ANKIB1: variants seen among roughly 807,000 people sequenced by gnomAD.
ANKIB1 encodes ankyrin repeat and IBR domain-containing protein 1.
Under a neutral mutation model 122.1 loss-of-function variants are expected in ANKIB1, and 43 were observed. The ratio of observed to expected loss-of-function variants is 0.35; its 90% CI spans 0.28 to 0.45. The LOEUF (loss-of-function observed/expected upper bound fraction) is 0.45. Ranked by LOEUF, ANKIB1 falls within the 20% of genes least tolerant of loss-of-function variation. The pLI is 1.00. For synonymous variants in ANKIB1, 390 were observed against 442.0 expected (o/e 0.88, Z 1.48); for missense variants, 992 against 1,329.5 (o/e 0.75, Z 3.95).
In ANKIB1 at chr7:92,397,788, AGT is replaced by A; in HGVS notation, c.2465_2466del (p.Val822AlafsTer8). ...ATCCGTGGTAAGTTCTGCATCTATG[AGT>A]GTGCTGCACAGCTCTTCCCTGCGTG... ...GTSVVSSASM[S>X]VLHSSSLRDY... On this transcript the variant is annotated frameshift_variant, in exon 19 of 20. Coordinates refer to ENST00000265742, the MANE Select transcript of ANKIB1 (RefSeq NM_019004.2). LOFTEE classifies it high-confidence loss of function. 6.2e-7 allele frequency: 1 copy of A among 1,608,844 alleles called. No individual in the cohort carries two copies. Among genetic ancestry groups the A allele is most frequent in the Non-Finnish European group, 8.5e-7 (1 of 1,178,588 alleles).
In ANKIB1 at chr7:92,396,431, C is replaced by T. The variant is rs1364849507; in HGVS notation, c.2350C>T (p.Leu784Phe). ...TCGTCGAGGAGATGTTCACAGTCTA[C>T]TCAGTAATCCTCCAGACCCTGATGA... The part of the protein sequence containing the change: ...QRRRGDVHSL[L>F]SNPPDPDEPS... Residue 784 changes from leucine to phenylalanine, a missense_variant, in exon 18 of 20, where the codon CTC becomes TTC. Around this residue, in one of 4 missense-constraint regions of ANKIB1, gnomAD observed 384 missense variants for 412.0 expected, o/e 0.93. Transcript: ENST00000265742. 6 of 1,596,392 alleles carry T rather than the reference C, an allele frequency of 3.8e-6. No homozygotes were observed. Among genetic ancestry groups the T allele is most frequent in the Non-Finnish European group, 5.1e-6 (6 of 1,170,884 alleles).
chr7:92,308,729 C>G (rs1208775080), intron 3 of ANKIB1, among the ~76,000 whole-genome samples: 1 of 152,046 alleles, frequency 6.6e-6, no homozygotes, highest in African/African-American at 2.4e-5. Context: ...ATAGTATCGT[C>G]ACTACTATAC....
intron 5 of ANKIB1, among the ~76,000 whole-genome samples, chr7:92,328,699 C>G (rs1310424248): frequency 6.6e-6 from 1 of 151,758 alleles, no homozygotes; most frequent in Non-Finnish European, 1.5e-5. Context: ...AAGTAAATGG[C>G]TATTCTATTC....
chr7:92,379,697 T>C (rs1056820111), intron 11 of ANKIB1, among the ~76,000 whole-genome samples: 20 of 152,244 alleles, frequency 1.3e-4, no homozygotes, highest in African/African-American at 4.8e-4. Context: ...GAATTCATAC[T>C]GTATCCTATA....
chr7:92,259,508 T>G (rs1044176149), intron 1 of ANKIB1, among the ~76,000 whole-genome samples: 18 of 152,206 alleles, frequency 1.2e-4, no homozygotes, highest in African/African-American at 4.3e-4. Flanking sequence ...GATGAAAATC[T>G]CTGCATTTTA....
At chr7:92,373,605 A>C (rs1804319870) in intron 11 of ANKIB1, among the ~76,000 whole-genome samples, 1 of 152,214 alleles carries the variant, frequency 6.6e-6, no homozygotes, top group Non-Finnish European at 1.5e-5. Context: ...GTGACACAGA[A>C]GACTTATGTA....
chr7:92,298,932 G>A (rs1296965459), intron 2 of ANKIB1, among the ~76,000 whole-genome samples: 1 of 152,148 alleles, frequency 6.6e-6, no homozygotes, highest in African/African-American at 2.4e-5. Flanking sequence ...AGAATACGAC[G>A]ATGGCTCTGA....
At chr7:92,261,458 T>C (rs1443367859) in intron 1 of ANKIB1, among the ~76,000 whole-genome samples, 2 of 152,208 alleles carry the variant, frequency 1.3e-5, no homozygotes, top group African/African-American at 4.8e-5. Flanking sequence ...ATAAATCCTT[T>C]CATTCTCTCT....
intron 10 of ANKIB1, among the ~76,000 whole-genome samples, chr7:92,368,920 T>C (rs1412807592): frequency 2.0e-5 from 3 of 152,164 alleles, no homozygotes; most frequent in Admixed American, 2.0e-4. Context: ...GAAAAAACTG[T>C]TATGTTGCAG....
chr7:92,327,959 T>G, intron 5 of ANKIB1, 59 bp downstream of exon 5: 1 of 1,129,122 alleles, frequency 8.9e-7, no homozygotes, highest in Non-Finnish European at 1.3e-6. Flanking sequence ...AACTTCTGAG[T>G]TTTTAAAAGG....
intron 17 of ANKIB1, among the ~76,000 whole-genome samples, chr7:92,393,878 G>T (rs1804835774): frequency 6.6e-6 from 1 of 151,966 alleles, no homozygotes; most frequent in African/African-American, 2.4e-5. Flanking sequence ...TTATATTTTT[G>T]AAAAATAGCT....
At chr7:92,397,912 G>T in intron 19 of ANKIB1, 53 bp downstream of exon 19, 1 of 1,562,894 alleles carries the variant, frequency 6.4e-7, no homozygotes, top group Non-Finnish European at 8.6e-7. Context: ...TCTCTGCTGA[G>T]TGTGGTTTCC....
intron 2 of ANKIB1, among the ~76,000 whole-genome samples, chr7:92,298,243 CTTAT>C (rs913516362): frequency 2.0e-4 from 30 of 151,808 alleles, no homozygotes; most frequent in Non-Finnish European, 3.4e-4. Flanking sequence ...TTTTGTTTTG[CTTAT>C]TTAAGTTGAA....
At chr7:92,283,695 G>A (rs947795793) in intron 1 of ANKIB1, among the ~76,000 whole-genome samples, 46 of 152,132 alleles carry the variant, frequency 3.0e-4, no homozygotes, top group African/African-American at 9.9e-4. Flanking sequence ...TAGTGACCTC[G>A]TAACATCATT....
In ANKIB1 at chr7:92,339,331, C is replaced by T. The variant is rs143798332; in HGVS notation, c.788-3693C>T. 9.5e-3 allele frequency among the ~76,000 whole-genome samples: 1,443 copies of T among 152,016 alleles called. 54 individuals are homozygous for T. The highest frequency in any genetic ancestry group is 0.08 in the East Asian group (412 of 5,132). On this transcript the variant is annotated intron_variant, in intron 5 of 19. Transcript: ENST00000265742. ...TGCTGGGATTACAGGCGTGAGCCAC[C>T]GCACCTGGCCAAAAATTTTTTAAAG...
At position 92,343,171 on chromosome 7, in the gene ANKIB1, G is replaced by A. The variant is rs1490960842; in HGVS notation, c.935G>A (p.Arg312His). ...LPSPRTPRTTRSSVTSPDEIS... is the reference protein window; with the variant it reads ...LPSPRTPRTTHSSVTSPDEIS... ...TCTCCAAGAACTCCAAGGACTACAC[G>A]CTCTTCTGTCACCTCCCCAGATGAA... The change falls in exon 6 of 20, where the codon CGC (arginine) becomes CAC (histidine). Residue 312 changes from arginine (R) to histidine (H), a missense_variant. Transcript: ENST00000265742. 8 of 1,613,886 alleles carry A rather than the reference G, an allele frequency of 5.0e-6. No homozygotes were observed. The highest frequency in any genetic ancestry group is 1.3e-5 in the African/African-American group (1 of 75,010).
chr7:92,387,894 A>G lies in ANKIB1; in HGVS notation c.1839+10A>G. On this transcript the variant is annotated intron_variant, in intron 13 of 19. Coordinates refer to ENST00000265742, the MANE Select transcript of ANKIB1 (RefSeq NM_019004.2). ...TGAGCATAGTTATCAGGTATGTCCC[A>G]AATCATTTCAAATGAGCTGACCTAT... The G allele has an allele frequency of 1.2e-6, 2 of 1,610,618 alleles. No individual in the cohort carries two copies. Among genetic ancestry groups the G allele is most frequent in the South Asian group, 2.2e-5 (2 of 90,752 alleles).
chr7:92,354,081 C>T (rs1194621105), intron 9 of ANKIB1, among the ~76,000 whole-genome samples: 2 of 152,160 alleles, frequency 1.3e-5, no homozygotes, highest in Non-Finnish European at 2.9e-5. Flanking sequence ...TACCAGTTTT[C>T]AGTGTAGTTT....
At chr7:92,340,699 T>C (rs1440986438) in intron 5 of ANKIB1, among the ~76,000 whole-genome samples, 2 of 152,142 alleles carry the variant, frequency 1.3e-5, no homozygotes, top group African/African-American at 2.4e-5. Context: ...ATAAACAAAG[T>C]CAGGAAACAT....
Sources: gnomAD v4.1 joint callset for allele counts (sites outside exome capture counted in the v4.1 genomes callset) on GRCh38, gnomAD v4.1.1 for gene constraint, gnomAD v4.1.1 regional missense constraint, MANE v1.5 for transcripts, NCBI Gene and HGNC (gene_info 2026-07-23, HGNC 2026-07-21) for gene names.